The following OTOG variants were observed in gnomAD, a reference collection of about 807,000 sequenced individuals.
OTOG encodes the protein otogelin.
In OTOG, 296 loss-of-function variants were observed where a neutral mutation model predicts 313.8. That is an observed-to-expected ratio of 0.94 (90% CI 0.86 to 1.04). OTOG has a LOEUF of 1.04. OTOG is among the 50% of genes least tolerant of loss of function. The pLI is 0.00. For synonymous variants in OTOG, 1,533 were observed against 1,554.9 expected (o/e 0.99, Z 0.33); for missense variants, 3,948 against 3,840.1 (o/e 1.03, Z -0.74).
intron 15 of OTOG, among the ~76,000 whole-genome samples, chr11:17,563,322 C>T (rs1295290624): frequency 6.6e-6 from 1 of 152,244 alleles, no homozygotes; most frequent in African/African-American, 2.4e-5. Flanking sequence ...ACAGTCCTGC[C>T]TCCCTGCTGG....
Position 17,594,131 on chromosome 11 carries a change from C to G in OTOG, c.3373C>G (p.Pro1125Ala), listed in dbSNP as rs1439854038. Reference sequence around the variant, plus strand: ...CCCGGAGAACCTAGAGCTAACTAACCCCCAGGAGTTTGGCAGCAGTTGGGC... The same window carrying G: ...CCCGGAGAACCTAGAGCTAACTAACGCCCAGGAGTTTGGCAGCAGTTGGGC... ...RTPENLELTN[P>A]QEFGSSWAAV... The change falls in exon 28 of 56, where the codon CCC (proline) becomes GCC (alanine). Residue 1125 changes from proline to alanine, a missense_variant. Pro to Ala is a conservative substitution (Grantham distance 27). Coordinates refer to ENST00000399397, the MANE Select transcript of OTOG (RefSeq NM_001292063.2). 1.3e-6 allele frequency: 2 copies of G among 1,550,584 alleles called. No homozygotes were observed. The highest frequency in any genetic ancestry group is 4.9e-5 in the East Asian group (2 of 40,912).
chr11:17,561,205 C>A, intron 14 of OTOG, 68 bp downstream of exon 14: 1 of 1,521,396 alleles, frequency 6.6e-7, no homozygotes, highest in East Asian at 2.5e-5. Flanking sequence ...GGCAAGGAAT[C>A]TCTGGGGGCC....
At chr11:17,583,808 G>T (rs1015209994) in intron 23 of OTOG, among the ~76,000 whole-genome samples, 1 of 151,838 alleles carries the variant, frequency 6.6e-6, no homozygotes, top group African/African-American at 2.4e-5. Flanking sequence ...TTGCATTTCC[G>T]AGTAAATTTA....
At position 17,612,291 on chromosome 11, in the gene OTOG, G is replaced by A; in HGVS notation, c.6253G>A (p.Val2085Met). ...RCGILGLAVR[V>M]GGDRCCPLWE... ...TGGGATCCTGGGCCTCGCCGTGCGG[G>A]TGGGTGGGGACCGCTGCTGCCCACT... Residue 2085 changes from valine (V) to methionine (M), a missense_variant, in exon 37 of 56, where the codon GTG (valine) becomes ATG (methionine). Physicochemically the swap from Val to Met is conservative, Grantham distance 21 (BLOSUM62 1). Transcript: ENST00000399397. 1.3e-6 allele frequency: 2 copies of A among 1,541,698 alleles called. No homozygotes were observed. The highest frequency in any genetic ancestry group is 1.7e-6 in the Non-Finnish European group (2 of 1,146,682).
At position 17,572,066 on chromosome 11, in the gene OTOG, T is replaced by C; in HGVS notation, c.1956-14T>C. ...AGGGGCAAGTGTGTGAATATGGCTG[T>C]GACATGGCTGCAGGTCTCCAGTGGG... On this transcript the variant is annotated splice_polypyrimidine_tract_variant and intron_variant, in intron 17 of 55. Coordinates refer to ENST00000399397, the MANE Select transcript of OTOG (RefSeq NM_001292063.2). 6.5e-7 allele frequency: 1 copy of C among 1,550,382 alleles called. No homozygotes were observed. Among genetic ancestry groups the C allele is most frequent in the Non-Finnish European group, 8.7e-7 (1 of 1,146,866 alleles).
intron 20 of OTOG, among the ~76,000 whole-genome samples, chr11:17,575,465 C>T (rs1438832669): frequency 6.6e-6 from 1 of 152,058 alleles, no homozygotes; most frequent in African/African-American, 2.4e-5. Flanking sequence ...TGAGCAGAGA[C>T]CTGAGGGAGT....
chr11:17,619,187 C>T (rs1399066060), intron 39 of OTOG, among the ~76,000 whole-genome samples: 7 of 152,152 alleles, frequency 4.6e-5, no homozygotes, highest in Admixed American at 3.9e-4. Context: ...GGGAGAATCA[C>T]CTGGGCCCAG....
In OTOG at chr11:17,574,822, G is replaced by T; in HGVS notation, c.2396G>T (p.Gly799Val). Reference sequence around the variant, plus strand: ...CCTGAGGCCTGTGGGGTTGATGGTGGCGATGACCTGAGCAGAGACGAGTGT... The same window carrying T: ...CCTGAGGCCTGTGGGGTTGATGGTGTCGATGACCTGAGCAGAGACGAGTGT... ...ASPEACGVDG[G>V]DDLSRDECVE... The change falls in exon 20 of 56, where the codon GGC (glycine) becomes GTC (valine). Residue 799 changes from glycine (G) to valine (V), a missense_variant. Gly to Val is a moderately radical substitution (Grantham distance 109, BLOSUM62 -3). Transcript: ENST00000399397. 6.4e-7 allele frequency: 1 copy of T among 1,550,422 alleles called. No homozygotes were observed. The highest frequency in any genetic ancestry group is 8.7e-7 in the Non-Finnish European group (1 of 1,146,900).
rs1382810734 is a variant in OTOG at position 17,591,565 on chromosome 11, G to C, written c.2983G>C (p.Ala995Pro). 6.4e-7 allele frequency: 1 copy of C among 1,550,638 alleles called. No individual in the cohort carries two copies. The highest frequency in any genetic ancestry group is 8.7e-7 in the Non-Finnish European group (1 of 1,147,012). Residue 995 changes from alanine to proline, a missense_variant, in exon 25 of 56, where the codon GCA becomes CCA. Coordinates refer to ENST00000399397, the MANE Select transcript of OTOG (RefSeq NM_001292063.2). ...FDGLPFDFVG[A>P]CKVHLVKSTS... ...TGGGCTCCCGTTTGACTTCGTGGGGGCATGCAAAGTGCACCTGGTCAAGGT... is the reference window on the plus strand; with the variant it reads ...TGGGCTCCCGTTTGACTTCGTGGGGCCATGCAAAGTGCACCTGGTCAAGGT...
chr11:17,570,471 G>A (rs1249809181), intron 17 of OTOG, 81 bp downstream of exon 17: 6 of 1,362,212 alleles, frequency 4.4e-6, no homozygotes, highest in Non-Finnish European at 3.0e-6. Flanking sequence ...CTGCCTAAAT[G>A]TCTCTCCCGT....
chr11:17,611,334 G>A lies in OTOG; in HGVS notation c.6034G>A (p.Gly2012Arg), dbSNP rs1853541933. Residue 2012 changes from glycine (G) to arginine (R), a missense_variant, in exon 36 of 56, where the codon GGG (glycine) becomes AGG (arginine). Transcript: ENST00000399397. ...PVDEATTEPS[G>R]RSAPALSIVE... is the part of the protein sequence containing the mutation. ...GGACGAGGCCACCACAGAACCATCT[G>A]GGCGCTCAGCCCCAGCCCTGAGCAT... The A allele has an allele frequency of 1.3e-6, 2 of 1,550,388 alleles. No individual in the cohort carries two copies. Among genetic ancestry groups the A allele is most frequent in the South Asian group, 2.4e-5 (2 of 84,044 alleles).
chr11:17,645,524 T>C, intron 54 of OTOG, 40 bp from the exon 55 acceptor site: 8 of 1,542,766 alleles, frequency 5.2e-6, no homozygotes, highest in Non-Finnish European at 6.1e-6. Flanking sequence ...CGAAGAAGCC[T>C]GGTCTTGGCC....
Position 17,633,962 on chromosome 11 carries a change from C to T in OTOG, c.7267+88C>T. 2.7e-6 allele frequency: 4 copies of T among 1,476,208 alleles called. No individual in the cohort carries two copies. In the South Asian group the frequency reaches 5.3e-5, roughly 20 times the overall value. The allele number at this position is 1,476,208 out of a possible 1,614,324, so 91.4% of individuals were successfully genotyped here. Reference sequence around the variant, plus strand: ...GTCCACAGCTGAGTCCCATCTGCATCCTTTCAGGTCTGCTTAGGGGTGGCC... The same window carrying T: ...GTCCACAGCTGAGTCCCATCTGCATTCTTTCAGGTCTGCTTAGGGGTGGCC... On this transcript the variant is annotated intron_variant, in intron 43 of 55. Coordinates refer to ENST00000399397, the MANE Select transcript of OTOG (RefSeq NM_001292063.2).
chr11:17,552,207 C>T (rs1352437219), intron 4 of OTOG, 132 bp downstream of exon 4: 1 of 892,258 alleles, frequency 1.1e-6, no homozygotes, highest in Non-Finnish European at 1.8e-6. Flanking sequence ...CATCTCCTTC[C>T]ACCCACTCTG....
At chr11:17,615,190 T>C (rs1853690395) in intron 39 of OTOG, among the ~76,000 whole-genome samples, 1 of 152,262 alleles carries the variant, frequency 6.6e-6, no homozygotes, top group South Asian at 2.1e-4. Flanking sequence ...TTCAAGTCTT[T>C]TGCACATTTT....
intron 39 of OTOG, among the ~76,000 whole-genome samples, chr11:17,615,309 T>C (rs1853692847): frequency 6.6e-6 from 1 of 152,194 alleles, no homozygotes; most frequent in African/African-American, 2.4e-5. Flanking sequence ...TGTTTTTCCA[T>C]TCACCTACTA....
At position 17,611,221 on chromosome 11, in the gene OTOG, C is replaced by G. The variant is rs1304160501; in HGVS notation, c.5921C>G (p.Ala1974Gly). Residue 1974 changes from alanine (A) to glycine (G), a missense_variant, in exon 36 of 56, where the codon GCC becomes GGC. Physicochemically the swap from Ala to Gly is moderately conservative, Grantham distance 60. Coordinates refer to ENST00000399397, the MANE Select transcript of OTOG (RefSeq NM_001292063.2). ...CTGAGCCGTGTCTCAGCCAGGACGG[C>G]CCCCCAAGACAGCATGCTGGTTCTG... ...YALSRVSART[A>G]PQDSMLVLLP... The G allele has an allele frequency of 1.3e-6, 2 of 1,550,488 alleles. No homozygotes were observed. Among genetic ancestry groups the G allele is most frequent in the Non-Finnish European group, 8.7e-7 (1 of 1,146,986 alleles).
intron 8 of OTOG, 91 bp downstream of exon 8, chr11:17,557,414 C>A: frequency 7.8e-7 from 1 of 1,285,322 alleles, no homozygotes; most frequent in Non-Finnish European, 1.1e-6. Flanking sequence ...TGGAACAGAG[C>A]CCTGGGGTCG....
At chr11:17,617,002 C>T (rs1328064850) in intron 39 of OTOG, among the ~76,000 whole-genome samples, 11 of 152,188 alleles carry the variant, frequency 7.2e-5, no homozygotes, top group Admixed American at 6.5e-4. Flanking sequence ...CACAGATGTC[C>T]TTTATCAGGT....
Sources: gnomAD v4.1 joint callset for allele counts (sites outside exome capture counted in the v4.1 genomes callset) on GRCh38, gnomAD v4.1.1 for gene constraint, MANE v1.5 for transcripts, NCBI Gene and HGNC (gene_info 2026-07-23, HGNC 2026-07-21) for gene names.